The following RPL22 variants were observed in gnomAD, a reference collection of about 807,000 sequenced individuals.
RPL22 encodes large ribosomal subunit protein eL22.
Under a neutral mutation model 16.2 loss-of-function variants are expected in RPL22, and 4 were observed. The ratio of observed to expected loss-of-function variants is 0.25; its 90% CI spans 0.12 to 0.57. The LOEUF is 0.57. Ranked by LOEUF, RPL22 falls within the 20% of genes least tolerant of loss-of-function variation. The pLI is 0.92. For missense variants in RPL22, 83 were observed against 156.1 expected (o/e 0.53, Z 2.49); for synonymous variants, 43 against 54.8 (o/e 0.78, Z 0.95).
chr1:6,187,571 G>A (rs112877474), intron 3 of RPL22, among the ~76,000 whole-genome samples: 289 of 134,572 alleles, frequency 2.1e-3, no homozygotes, highest in Non-Finnish European at 3.3e-3. Context: ...CCGAGATGGC[G>A]CCATTGCACT....
At chr1:6,195,936 G>A (rs964234356) in intron 2 of RPL22, among the ~76,000 whole-genome samples, 2 of 151,346 alleles carry the variant, frequency 1.3e-5, no homozygotes, top group African/African-American at 4.9e-5. Flanking sequence ...GGTGGCAGGC[G>A]CCTATAATCC....
intron 2 of RPL22, among the ~76,000 whole-genome samples, chr1:6,195,010 C>T (rs60388719): frequency 0.13 from 19,721 of 151,814 alleles, 2,107 homozygotes; most frequent in African/African-American, 0.29. Flanking sequence ...TGGTGGCGGG[C>T]GCCTGTTTCC....
chr1:6,199,578 G>C lies in RPL22; in HGVS notation c.-5C>G, dbSNP rs1013323225. 1 of 1,568,344 alleles carries C rather than the reference G, an allele frequency of 6.4e-7. No homozygotes were observed. Among genetic ancestry groups the C allele is most frequent in the African/African-American group, 1.4e-5 (1 of 73,868 alleles). ...CATACTAACCACAGGAGCCATGGCG[G>C]CAGCGGAGTTAGAAAGGGAGGTGAG... On this transcript the variant is annotated 5_prime_UTR_variant, in exon 1 of 4. Transcript: ENST00000234875.
chr1:6,191,359 CAAAAAAA>C (rs769446432), intron 3 of RPL22, among the ~76,000 whole-genome samples: 9 of 32,414 alleles, frequency 2.8e-4, no homozygotes, highest in Non-Finnish European at 5.0e-4. Flanking sequence ...GACTCCGTCT[CAAAAAAA>C]AAAAAAAAAA....
chr1:6,193,132 C>T (rs771221257), intron 2 of RPL22, 78 bp from the exon 3 acceptor site: 24 of 1,536,978 alleles, frequency 1.6e-5, no homozygotes, highest in Non-Finnish European at 2.0e-5. Context: ...TCTCCCAACA[C>T]TGAACTAATA....
At chr1:6,189,630 C>T (rs1442109610) in intron 3 of RPL22, among the ~76,000 whole-genome samples, 1 of 133,902 alleles carries the variant, frequency 7.5e-6, no homozygotes, top group Non-Finnish European at 1.5e-5. Context: ...AAAAAAAAAC[C>T]CTGTACAGGC....
chr1:6,187,117 G>C (rs1390502959), intron 3 of RPL22, among the ~76,000 whole-genome samples: 2 of 152,094 alleles, frequency 1.3e-5, no homozygotes, highest in South Asian at 2.1e-4. Context: ...AGACCAGCCT[G>C]AACAACATGG....
intron 3 of RPL22, among the ~76,000 whole-genome samples, chr1:6,190,159 G>A (rs2100902836): frequency 6.6e-6 from 1 of 152,324 alleles, no homozygotes; most frequent in South Asian, 2.1e-4. Context: ...AAAGGTAGCA[G>A]AATCTTCCCC....
At chr1:6,188,365 G>A (rs1031905903) in intron 3 of RPL22, among the ~76,000 whole-genome samples, 6 of 152,050 alleles carry the variant, frequency 3.9e-5, no homozygotes, top group Non-Finnish European at 7.4e-5. Context: ...GGCAAAAACT[G>A]GCTTTTGTGC....
intron 3 of RPL22, among the ~76,000 whole-genome samples, chr1:6,190,209 C>T (rs537415756): frequency 2.0e-5 from 3 of 152,200 alleles, no homozygotes; most frequent in Admixed American, 6.5e-5. Flanking sequence ...ACGCTTTGTA[C>T]CCCCACCAGA....
At chr1:6,199,531 G>T (rs1209875069) in intron 1 of RPL22, 31 bp downstream of exon 1, 25 of 1,555,366 alleles carry the variant, frequency 1.6e-5, no homozygotes, top group Non-Finnish European at 2.2e-5. Context: ...GCCTCCCCTG[G>T]AGCCGAGGCC....
chr1:6,191,675 C>CA (rs532667006), intron 3 of RPL22, among the ~76,000 whole-genome samples: 2,233 of 69,808 alleles, frequency 0.032, 18 homozygotes, highest in African/African-American at 0.051. Flanking sequence ...ACTCTGTCTC[C>CA]AAAAAAAAAA....
Position 6,199,416 on chromosome 1 carries a change from G to A in RPL22, c.12+146C>T, listed in dbSNP as rs2100909623. 3 of 1,396,976 alleles carry A rather than the reference G, an allele frequency of 2.1e-6. No individual in the cohort carries two copies. The East Asian group carries it at 8.1e-5, about 38-fold the overall frequency. The allele number at this position is 1,396,976 out of a possible 1,614,324, so 86.5% of individuals were successfully genotyped here. A position where few individuals can be genotyped will look rare whatever the true frequency, so the allele number is the denominator to read the frequency against. On this transcript the variant is annotated intron_variant, in intron 1 of 3. Coordinates refer to ENST00000234875, the MANE Select transcript of RPL22 (RefSeq NM_000983.4). ...CCTACAACGTGCTGGGATCGGCAGG[G>A]GCTCTGGCCCGCTCCGGCCGACCTG...
chr1:6,193,651 A>G (rs930934756), intron 2 of RPL22, among the ~76,000 whole-genome samples: 6 of 151,690 alleles, frequency 4.0e-5, no homozygotes, highest in African/African-American at 1.2e-4. Context: ...GGGTCTCTCT[A>G]TGTTGGCTAG....
At chr1:6,191,156 G>C in intron 3 of RPL22, among the ~76,000 whole-genome samples, 1 of 151,200 alleles carries the variant, frequency 6.6e-6, no homozygotes, top group Non-Finnish European at 1.5e-5. Context: ...TCAGGAGATC[G>C]AGACCAGCCT....
chr1:6,186,757 C>T lies in RPL22; in HGVS notation c.302G>A (p.Arg101His), dbSNP rs1557571871. ...LKKNNLRDWL[R>H]VVANSKESYE... ...ACTCTCTTTGCTGTTAGCAACTACGCGCAACCAGTCACGTAGATTATTCTT... is the reference window on the plus strand; with the variant it reads ...ACTCTCTTTGCTGTTAGCAACTACGTGCAACCAGTCACGTAGATTATTCTT... The change falls in exon 4 of 4, where the codon CGC (arginine) becomes CAC (histidine). Residue 101 changes from arginine (R) to histidine (H), a missense_variant. By Grantham distance (29) the Arg-to-His change is conservative (BLOSUM62 0). Coordinates refer to ENST00000234875, the MANE Select transcript of RPL22 (RefSeq NM_000983.4). The T allele has an allele frequency of 1.2e-6, 2 of 1,610,318 alleles. No homozygotes were observed. Among genetic ancestry groups the T allele is most frequent in the Non-Finnish European group, 1.7e-6 (2 of 1,177,850 alleles).
At position 6,185,273 on chromosome 1, in the gene RPL22, A is replaced by C. The variant is rs141584315; in HGVS notation, c.*1399T>G. The C allele has an allele frequency of 3.4e-4, 134 of 399,032 alleles. No individual in the cohort carries two copies. Among genetic ancestry groups the C allele is most frequent in the African/African-American group, 2.3e-3 (113 of 48,764 alleles). The allele number at this position is 399,032 out of a possible 1,614,324, so 24.7% of individuals were successfully genotyped here. ...GTAGAATTTGTAAACTCAAGCCACAAACTTAGTTAATAATCATGGTTAAGG... is the reference window on the plus strand; with the variant it reads ...GTAGAATTTGTAAACTCAAGCCACACACTTAGTTAATAATCATGGTTAAGG... On this transcript the variant is annotated 3_prime_UTR_variant, in exon 4 of 4. Transcript: ENST00000234875.
intron 3 of RPL22, among the ~76,000 whole-genome samples, chr1:6,187,919 C>T (rs1158238431): frequency 3.3e-5 from 5 of 152,214 alleles, no homozygotes; most frequent in Admixed American, 6.5e-5. Flanking sequence ...CTGCTCACCA[C>T]CCAACACACA....
Position 6,190,056 on chromosome 1 carries a change from C to G in RPL22, c.242+2874G>C, listed in dbSNP as rs561624188. On this transcript the variant is annotated intron_variant, in intron 3 of 3. Coordinates refer to ENST00000234875, the MANE Select transcript of RPL22 (RefSeq NM_000983.4). ...AAGCTGTAATAGATGATTAAGGCAC[C>G]TTCCCTACTCCACTGGATAAAGAAC... Among the ~76,000 whole-genome samples, 27 of 152,288 alleles carry G rather than the reference C, an allele frequency of 1.8e-4. No homozygotes were observed. The South Asian group carries it at 5.4e-3, about 30-fold the overall frequency.
Sources: gnomAD v4.1 joint callset for allele counts (sites outside exome capture counted in the v4.1 genomes callset) on GRCh38, gnomAD v4.1.1 for gene constraint, MANE v1.5 for transcripts, NCBI Gene and HGNC (gene_info 2026-07-23, HGNC 2026-07-21) for gene names.